Variants in ULK4 observed in about 807,000 individuals in gnomAD.
ULK4 encodes the protein inactive serine/threonine-protein kinase ULK4.
ULK4 carries 133 observed loss-of-function variants against 160.6 expected under a neutral mutation model. The observed-to-expected ratio is 0.83, with a 90% CI of 0.72 to 0.96. The LOEUF is 0.96. Ranked by LOEUF, ULK4 falls within the 40% of genes least tolerant of loss-of-function variation. The pLI, the probability that ULK4 is intolerant of heterozygous loss-of-function variation, is 0.00. For missense variants in ULK4, 1,580 were observed against 1,499.5 expected, an observed-to-expected ratio of 1.05 and a Z score of -0.89; for synonymous variants, 534 against 539.8, an observed-to-expected ratio of 0.99 and a Z score of 0.15.
intron 34 of ULK4, among the ~76,000 whole-genome samples, chr3:41,454,431 T>C (rs1285899371): frequency 6.7e-6 from 1 of 150,196 alleles, no homozygotes; most frequent in African/African-American, 2.4e-5. Flanking sequence ...TCCCAGCTAC[T>C]TGGGAGGCTG....
intron 30 of ULK4, among the ~76,000 whole-genome samples, chr3:41,635,780 T>C (rs2033928500): frequency 6.6e-6 from 1 of 152,200 alleles, no homozygotes; most frequent in Non-Finnish European, 1.5e-5. Context: ...GTAATTGATC[T>C]GAGATTAGAA....
chr3:41,722,066 T>C (rs954759758), intron 22 of ULK4, among the ~76,000 whole-genome samples: 1 of 152,136 alleles, frequency 6.6e-6, no homozygotes, highest in African/African-American at 2.4e-5. Context: ...CAAACTTCAG[T>C]TTTCTAATTA....
rs143227831 is a variant in ULK4, at chr3:41,356,147, GT to G, written c.3678+41931del. On this transcript the variant is annotated intron_variant, in intron 35 of 36. Coordinates refer to ENST00000301831, the MANE Select transcript of ULK4 (RefSeq NM_017886.4). ...TTTGAGGCTGCCACAGAGAAGCCCT[GT>G]CCCCTGTGTTCTCCCTGCCAAACTG... Among the ~76,000 whole-genome samples, 373 of 152,234 alleles carry G rather than the reference GT, an allele frequency of 2.5e-3. 1 individual carries two copies. The highest frequency in any genetic ancestry group is 0.015 in the East Asian group (79 of 5,178).
At chr3:41,321,638 A>G (rs2080250359) in intron 35 of ULK4, among the ~76,000 whole-genome samples, 1 of 109,744 alleles carries the variant, frequency 9.1e-6, no homozygotes, top group African/African-American at 4.3e-5. Flanking sequence ...AACAGATAAA[A>G]CCTGAAACTG....
At chr3:41,518,396 C>T (rs557772817) in intron 32 of ULK4, among the ~76,000 whole-genome samples, 1 of 152,122 alleles carries the variant, frequency 6.6e-6, no homozygotes, top group Admixed American at 6.5e-5. Context: ...ATAAGATGCA[C>T]ATAAAGACAT....
intron 17 of ULK4, among the ~76,000 whole-genome samples, chr3:41,855,236 G>T (rs1444936974): frequency 7.3e-6 from 1 of 137,688 alleles, no homozygotes; most frequent in African/African-American, 3.5e-5. Flanking sequence ...ACTGGAAAGA[G>T]AAACATACCC....
At chr3:41,668,885 A>G (rs924592755) in intron 29 of ULK4, among the ~76,000 whole-genome samples, 5 of 152,218 alleles carry the variant, frequency 3.3e-5, no homozygotes, top group African/African-American at 7.2e-5. Flanking sequence ...TTATACTCTT[A>G]AAGTTTTTAA....
At position 41,706,900 on chromosome 3, in the gene ULK4, T is replaced by TATAGAG. The variant is rs369390361; in HGVS notation, c.2635-1596_2635-1595insCTCTAT. 2.5e-3 allele frequency among the ~76,000 whole-genome samples: 345 copies of TATAGAG among 136,410 alleles called. 1 individual carries two copies. The highest frequency in any genetic ancestry group is 9.2e-3 in the African/African-American group (314 of 34,120). 89.5% of individuals were successfully genotyped at this position (136,410 alleles called of 152,430 possible). ...GTGTGTGTGTGTGTGTATATATATA[T>TATAGAG]AGAGAGAGAGAGAGAATAGAATCTA... is the stretch of plus-strand genomic sequence containing the variant. On this transcript the variant is annotated intron_variant, in intron 25 of 36. Coordinates refer to ENST00000301831, the MANE Select transcript of ULK4 (RefSeq NM_017886.4).
chr3:41,559,632 A>G (rs377123245), intron 32 of ULK4, among the ~76,000 whole-genome samples: 24 of 152,190 alleles, frequency 1.6e-4, no homozygotes, highest in East Asian at 5.8e-4. Context: ...GCCAGTGATG[A>G]TGAGCATTTT....
At chr3:41,889,151 G>T (rs534731795) in intron 16 of ULK4, among the ~76,000 whole-genome samples, 1 of 152,138 alleles carries the variant, frequency 6.6e-6, no homozygotes, top group African/African-American at 2.4e-5. Context: ...TCCTAATTTT[G>T]TTCCCTTTTT....
At chr3:41,322,715 T>C (rs889658955) in intron 35 of ULK4, among the ~76,000 whole-genome samples, 20 of 152,326 alleles carry the variant, frequency 1.3e-4, no homozygotes, top group African/African-American at 4.6e-4. Context: ...TCAGCAGATA[T>C]TGGTTGCTAG....
At chr3:41,950,831 C>G (rs1177690196) in intron 2 of ULK4, among the ~76,000 whole-genome samples, 2 of 152,018 alleles carry the variant, frequency 1.3e-5, no homozygotes, top group Non-Finnish European at 2.9e-5. Flanking sequence ...CTACAAAAAA[C>G]TTCTGAAAGA....
intron 32 of ULK4, among the ~76,000 whole-genome samples, chr3:41,478,626 C>T (rs2084214432): frequency 6.6e-6 from 1 of 152,188 alleles, no homozygotes; most frequent in Non-Finnish European, 1.5e-5. Context: ...AAGTTACATA[C>T]TTGAGAGTGA....
intron 32 of ULK4, among the ~76,000 whole-genome samples, chr3:41,509,581 T>C (rs1277558347): frequency 3.9e-5 from 6 of 152,158 alleles, no homozygotes; most frequent in African/African-American, 1.4e-4. Context: ...GGTAAAAGCA[T>C]CAGGTAACCC....
At chr3:41,825,916 C>T (rs897899771) in intron 18 of ULK4, among the ~76,000 whole-genome samples, 45 of 152,280 alleles carry the variant, frequency 3.0e-4, no homozygotes, top group Non-Finnish European at 2.5e-4. Flanking sequence ...AGAGAAAGGT[C>T]GGGTTACCCA....
intron 25 of ULK4, 87 bp downstream of exon 25, chr3:41,715,150 A>C (rs2037223386): frequency 1.5e-6 from 2 of 1,337,664 alleles, no homozygotes; most frequent in Non-Finnish European, 2.1e-6. Context: ...CAGGATTTTT[A>C]AATTACCTCA....
At position 41,800,283 on chromosome 3, in the gene ULK4, A is replaced by C; in HGVS notation, c.1859T>G (p.Val620Gly). The C allele has an allele frequency of 6.2e-7, 1 of 1,611,996 alleles. No homozygotes were observed. Among genetic ancestry groups the C allele is most frequent in the Non-Finnish European group, 8.5e-7 (1 of 1,179,274 alleles). Residue 620 changes from valine to glycine, a missense_variant, in exon 20 of 37, where the codon GTT (valine) becomes GGT (glycine). By Grantham distance (109) the Val-to-Gly change is moderately radical. Coordinates refer to ENST00000301831, the MANE Select transcript of ULK4 (RefSeq NM_017886.4). Reference sequence around the variant, plus strand: ...AATTTTTGCTGCCATGTGATTCACAACACGCTCTTCCTATAGAGAAAGGAG... The same window carrying C: ...AATTTTTGCTGCCATGTGATTCACACCACGCTCTTCCTATAGAGAAAGGAG... The part of the protein sequence containing the change: ...MRCLREGEER[V>G]VNHMAAKIIE...
chr3:41,408,781 G>A (rs1209789192), intron 34 of ULK4, among the ~76,000 whole-genome samples: 2 of 152,130 alleles, frequency 1.3e-5, no homozygotes, highest in Non-Finnish European at 2.9e-5. Flanking sequence ...CAATGGAATA[G>A]AATTAGGAGC....
At chr3:41,643,018 G>A (rs540023643) in intron 30 of ULK4, among the ~76,000 whole-genome samples, 29,431 of 151,876 alleles carry the variant, frequency 0.19, 3,015 homozygotes, top group African/African-American at 0.25. Context: ...CATATCCTTC[G>A]CCCAGTTTTT....
Sources: gnomAD v4.1 joint callset for allele counts (sites outside exome capture counted in the v4.1 genomes callset) on GRCh38, gnomAD v4.1.1 for gene constraint, MANE v1.5 for transcripts, NCBI Gene and HGNC (gene_info 2026-07-23, HGNC 2026-07-21) for gene names.